PTPN22: variants seen among roughly 807,000 people sequenced by gnomAD.
The protein encoded by PTPN22 is tyrosine-protein phosphatase non-receptor type 22.
PTPN22 carries 85 observed loss-of-function variants against 103.3 expected under a neutral mutation model. The observed-to-expected ratio is 0.82, with a 90% CI of 0.69 to 0.99. The LOEUF (loss-of-function observed/expected upper bound fraction) is 0.99, where lower values mean the gene tolerates loss of function less well. Ranked by LOEUF, PTPN22 falls within the 50% of genes least tolerant of loss-of-function variation. The pLI is 0.00. For missense variants in PTPN22, 865 were observed against 936.9 expected, an observed-to-expected ratio of 0.92 and a Z score of 1.00; for synonymous variants, 323 against 310.2, an observed-to-expected ratio of 1.04 and a Z score of -0.43.
exon 21 of PTPN22, chr1:113,814,801 A>G: frequency 1.1e-6 from 1 of 895,814 alleles, no homozygotes; most frequent in East Asian, 2.4e-5. Flanking sequence ...ATATCTTCAT[A>G]TTTGATATTA....
chr1:113,825,205 T>C, intron 18 of PTPN22, 33 bp from the exon 19 acceptor site: 1 of 1,369,798 alleles, frequency 7.3e-7, no homozygotes, highest in Non-Finnish European at 1.0e-6. Flanking sequence ...TAGTTTTTTT[T>C]CCTGTGAAAC....
chr1:113,838,372 CT>C lies in PTPN22; in HGVS notation c.1027del (p.Arg343GlyfsTer19). On this transcript the variant is annotated frameshift_variant, in exon 13 of 21. Transcript: ENST00000359785. LOFTEE classifies it high-confidence loss of function. ...AGATTCTTTGATTTCCATTTTTGTC[CT>C]TTGTTGGTTCATCATTTTTGCTGCT... The C allele has an allele frequency of 6.3e-7, 1 of 1,594,002 alleles. No homozygotes were observed. Among genetic ancestry groups the C allele is most frequent in the Non-Finnish European group, 8.5e-7 (1 of 1,172,236 alleles).
At chr1:113,834,729 T>TAA (rs945364716) in intron 14 of PTPN22, among the ~76,000 whole-genome samples, 181 bp downstream of exon 14, 1 of 146,434 alleles carries the variant, frequency 6.8e-6, no homozygotes, top group African/African-American at 2.5e-5. Flanking sequence ...TCTGCTAAAT[T>TAA]AAAAAAAAAA....
intron 11 of PTPN22, among the ~76,000 whole-genome samples, chr1:113,842,905 T>C (rs1475532825): frequency 6.7e-6 from 1 of 149,678 alleles, no homozygotes; most frequent in Admixed American, 6.7e-5. Flanking sequence ...ATCGAGACCA[T>C]CCCGGCTAAA....
At chr1:113,860,380 G>A (rs1341974259) in intron 1 of PTPN22, among the ~76,000 whole-genome samples, 7 of 152,130 alleles carry the variant, frequency 4.6e-5, no homozygotes, top group Non-Finnish European at 4.4e-5. Context: ...CATAGTGTAC[G>A]TAAGATTTGG....
intron 1 of PTPN22, among the ~76,000 whole-genome samples, chr1:113,870,119 G>A (rs1439620990): frequency 3.3e-5 from 5 of 151,948 alleles, no homozygotes; most frequent in Non-Finnish European, 7.4e-5. Flanking sequence ...AACTGAACTT[G>A]GTACATACTA....
chr1:113,815,061 A>G (rs1311100209), intron 20 of PTPN22, 92 bp from the exon 21 acceptor site: 1 of 893,422 alleles, frequency 1.1e-6, no homozygotes, highest in East Asian at 2.6e-5. Context: ...ATATATGCAA[A>G]TACATGGTCT....
rs192406277 is a variant in PTPN22 at position 113,834,564 on chromosome 1, C to T, written c.1895-125G>A. On this transcript the variant is annotated intron_variant, in intron 14 of 20. Coordinates refer to ENST00000359785, the Ensembl canonical transcript of PTPN22. Reference sequence around the variant, plus strand: ...GAAGTAATCTAGTTAATTCACACTTCATTTTATTTTTTGAGACAGGGTCTT... The same window carrying T: ...GAAGTAATCTAGTTAATTCACACTTTATTTTATTTTTTGAGACAGGGTCTT... The T allele has an allele frequency of 1.6e-4, 173 of 1,085,114 alleles. No homozygotes were observed. In the African/African-American group the frequency reaches 2.4e-3, roughly 15 times the overall value. The allele number at this position is 1,085,114 out of a possible 1,614,324, so 67.2% of individuals were successfully genotyped here.
exon 8 of PTPN22, chr1:113,854,979 G>C (rs765711994): frequency 6.2e-7 from 1 of 1,607,568 alleles, no homozygotes; most frequent in Non-Finnish European, 8.5e-7. Context: ...CTCAAGAATA[G>C]GGTCTATAGA....
At chr1:113,863,971 T>G (rs1432899919) in intron 1 of PTPN22, among the ~76,000 whole-genome samples, 2 of 149,232 alleles carry the variant, frequency 1.3e-5, no homozygotes, top group Non-Finnish European at 3.0e-5. Context: ...CAGGCTAGAG[T>G]GCAGTGGCGC....
In PTPN22 at chr1:113,858,616, C is replaced by T. The variant is rs754488626; in HGVS notation, c.274-43G>A. The T allele has an allele frequency of 4.9e-6, 6 of 1,219,946 alleles. No individual in the cohort carries two copies. The African/African-American group carries it at 6.2e-5, about 13-fold the overall frequency. 75.6% of individuals were successfully genotyped at this position (1,219,946 alleles called of 1,614,324 possible). A position where few individuals can be genotyped will look rare whatever the true frequency, so the allele number is the denominator to read the frequency against. ...TTACACGGGGTGACTACAAATAATA[C>T]CCTGTTCTCACCTAGTCCTCCGCTT... On this transcript the variant is annotated intron_variant, in intron 3 of 20. Coordinates refer to ENST00000359785, the Ensembl canonical transcript of PTPN22.
chr1:113,854,416 AAGTATGAAAGC>A, intron 9 of PTPN22, 44 bp downstream of exon 9: 1 of 1,466,384 alleles, frequency 6.8e-7, no homozygotes, highest in Non-Finnish European at 9.5e-7. Flanking sequence ...AACAATTACT[AAGTATGAAAGC>A]AGTAGACTAA....
exon 13 of PTPN22, chr1:113,838,194 A>G (rs1359757041): frequency 1.9e-5 from 30 of 1,614,012 alleles, no homozygotes; most frequent in Middle Eastern, 1.6e-4. Context: ...CAACTATTGG[A>G]AATGCCTTTG....
intron 11 of PTPN22, among the ~76,000 whole-genome samples, chr1:113,844,617 T>C (rs1199891654): frequency 2.0e-5 from 3 of 152,230 alleles, no homozygotes; most frequent in Non-Finnish European, 4.4e-5. Context: ...TGCTATAAAG[T>C]TCCCTCTCAG....
intron 20 of PTPN22, among the ~76,000 whole-genome samples, chr1:113,818,016 C>G (rs1661298473): frequency 6.6e-6 from 1 of 150,644 alleles, no homozygotes; most frequent in African/African-American, 2.4e-5. Context: ...TCTTCAACTC[C>G]TGGGCTCAAG....
chr1:113,827,831 AT>A lies in PTPN22; in HGVS notation c.2250+1760del, dbSNP rs145539881. 1.8e-3 allele frequency among the ~76,000 whole-genome samples: 274 copies of A among 152,272 alleles called. 5 individuals carry two copies. In the East Asian group the frequency reaches 0.049, roughly 27 times the overall value. On this transcript the variant is annotated intron_variant, in intron 18 of 20. Transcript: ENST00000359785. Reference sequence around the variant, plus strand: ...ACCCCATCTCTAATTTAAAAAAAAAATTGTAAAAAGAAGTTGTACCACTTGA... The same window carrying A: ...ACCCCATCTCTAATTTAAAAAAAAAATGTAAAAAGAAGTTGTACCACTTGA...
intron 9 of PTPN22, among the ~76,000 whole-genome samples, chr1:113,853,205 T>A (rs374516343): frequency 6.6e-6 from 1 of 152,090 alleles, no homozygotes; most frequent in Non-Finnish European, 1.5e-5. Flanking sequence ...CCCAAAGTGC[T>A]GAGATTACAG....
intron 19 of PTPN22, among the ~76,000 whole-genome samples, chr1:113,822,038 C>T (rs1281506953): frequency 6.6e-6 from 1 of 152,120 alleles, no homozygotes; most frequent in Non-Finnish European, 1.5e-5. Flanking sequence ...CATCATAAGC[C>T]TGAACTCACA....
At chr1:113,835,378 C>T (rs562373080) in intron 13 of PTPN22, among the ~76,000 whole-genome samples, 22 of 152,050 alleles carry the variant, frequency 1.4e-4, no homozygotes, top group South Asian at 8.3e-4. Flanking sequence ...ATTAGCCGGG[C>T]GTGGTGGCGG....
Sources: allele counts gnomAD v4.1 joint callset (sites outside exome capture counted in the v4.1 genomes callset), GRCh38; gene constraint gnomAD v4.1.1; transcripts MANE v1.5; gene names NCBI Gene and HGNC (gene_info 2026-07-23, HGNC 2026-07-21).